Variants in SORCS1 observed in about 807,000 individuals in gnomAD.
SORCS1 encodes the protein VPS10 domain-containing receptor SorCS1.
Under a neutral mutation model 146.1 loss-of-function variants are expected in SORCS1, and 60 were observed. The observed-to-expected ratio is 0.41, with a 90% confidence interval of 0.33 to 0.51. The LOEUF (loss-of-function observed/expected upper bound fraction) is 0.51, where lower values mean the gene tolerates loss of function less well. SORCS1 is among the 20% of genes least tolerant of loss of function. SORCS1 has a pLI of 0.21. For synonymous variants in SORCS1, 637 were observed against 584.0 expected (o/e 1.09, Z -1.31); for missense variants, 1,352 against 1,487.6 (o/e 0.91, Z 1.50).
chr10:106,896,889 G>GTTTTT (rs869027396), intron 2 of SORCS1, among the ~76,000 whole-genome samples: 9 of 119,876 alleles, frequency 7.5e-5, no homozygotes, highest in South Asian at 2.8e-4. Context: ...ACCAAATACT[G>GTTTTT]TTTTTTTTTT....
At chr10:106,748,697 G>C (rs1345033594) in intron 5 of SORCS1, among the ~76,000 whole-genome samples, 2 of 152,086 alleles carry the variant, frequency 1.3e-5, no homozygotes, top group Non-Finnish European at 2.9e-5. Flanking sequence ...GCCACCAACT[G>C]TTCTAGGCAC....
rs140447339 is a variant in SORCS1, at chr10:106,784,170, C to T, written c.727-7478G>A. On this transcript the variant is annotated intron_variant, in intron 3 of 25. Coordinates refer to ENST00000263054, the MANE Select transcript of SORCS1 (RefSeq NM_052918.5). ...CAGCACTTTGGGAGGCCGAGGCAGG[C>T]GGATCATGAGGTCAGGAAATCGAGA... Among the ~76,000 whole-genome samples the T allele has an allele frequency of 5.5e-3, 842 of 152,064 alleles. 8 individuals carry two copies. The highest frequency in any genetic ancestry group is 0.019 in the African/African-American group (808 of 41,492).
chr10:107,122,850 G>A (rs966989694), intron 1 of SORCS1, among the ~76,000 whole-genome samples: 1 of 152,164 alleles, frequency 6.6e-6, no homozygotes, highest in Non-Finnish European at 1.5e-5. Context: ...TTGAAATAAC[G>A]ATAAGCAAAT....
At chr10:106,606,274 T>TATAC (rs1435613411) in intron 23 of SORCS1, among the ~76,000 whole-genome samples, 1 of 139,006 alleles carries the variant, frequency 7.2e-6, no homozygotes, top group Admixed American at 6.8e-5. Flanking sequence ...CACACAGATA[T>TATAC]ACACACACAC....
rs534104174 is a variant in SORCS1 at position 107,000,890 on chromosome 10, A to AT, written c.559-44311dup. ...GTAGGAAAGGAAGATATCAGTGACT[A>AT]TTTTGAGAGAACACTAGAAGATGGA... On this transcript the variant is annotated intron_variant, in intron 1 of 25. Coordinates refer to ENST00000263054, the MANE Select transcript of SORCS1 (RefSeq NM_052918.5). 4.9e-3 allele frequency among the ~76,000 whole-genome samples: 748 copies of AT among 152,310 alleles called. 3 individuals carry two copies. The highest frequency in any genetic ancestry group is 0.016 in the African/African-American group (654 of 41,574).
At chr10:107,054,884 G>T (rs1254158688) in intron 1 of SORCS1, among the ~76,000 whole-genome samples, 1 of 152,108 alleles carries the variant, frequency 6.6e-6, no homozygotes, top group East Asian at 1.9e-4. Flanking sequence ...GGCTTACTAG[G>T]TAAAGATAAA....
chr10:106,692,980 A>C (rs890395798), intron 9 of SORCS1, among the ~76,000 whole-genome samples: 6 of 152,132 alleles, frequency 3.9e-5, no homozygotes, highest in Non-Finnish European at 8.8e-5. Context: ...AAATTTCTAG[A>C]ATACAAAAAA....
chr10:106,828,730 G>A (rs910326266), intron 3 of SORCS1, among the ~76,000 whole-genome samples: 1 of 152,116 alleles, frequency 6.6e-6, no homozygotes, highest in African/African-American at 2.4e-5. Context: ...GAAAATAAAG[G>A]TATAGATGTA....
At chr10:107,025,615 A>G (rs1222523295) in intron 1 of SORCS1, among the ~76,000 whole-genome samples, 1 of 152,244 alleles carries the variant, frequency 6.6e-6, no homozygotes, top group Non-Finnish European at 1.5e-5. Flanking sequence ...ATGACAGGGT[A>G]AAACAAAATG....
At chr10:107,096,251 G>A (rs1964537950) in intron 1 of SORCS1, among the ~76,000 whole-genome samples, 1 of 152,242 alleles carries the variant, frequency 6.6e-6, no homozygotes, top group Admixed American at 6.5e-5. Context: ...TGAGGAATAA[G>A]ACGTTGAAGC....
intron 2 of SORCS1, among the ~76,000 whole-genome samples, chr10:106,882,215 A>G (rs1950829709): frequency 6.6e-6 from 1 of 152,186 alleles, no homozygotes; most frequent in Non-Finnish European, 1.5e-5. Flanking sequence ...ATATTGGACG[A>G]AGAAGAATTG....
intron 2 of SORCS1, 106 bp from the exon 3 acceptor site, chr10:106,829,779 C>T (rs1245892971): frequency 1.4e-6 from 1 of 715,008 alleles, no homozygotes; most frequent in Non-Finnish European, 2.4e-6. Flanking sequence ...GGAGGTTTCT[C>T]AATGATTCAT....
At chr10:106,864,858 G>A (rs1714391997) in intron 2 of SORCS1, among the ~76,000 whole-genome samples, 1 of 152,166 alleles carries the variant, frequency 6.6e-6, no homozygotes, top group Non-Finnish European at 1.5e-5. Context: ...ACTGCTCTAT[G>A]AAAACGTGAC....
chr10:106,776,629 T>C lies in SORCS1; in HGVS notation c.790A>G (p.Thr264Ala). 1 of 1,614,098 alleles carries C rather than the reference T, an allele frequency of 6.2e-7. No individual in the cohort carries two copies. Among genetic ancestry groups the C allele is most frequent in the Non-Finnish European group, 8.5e-7 (1 of 1,179,956 alleles). ...AAGTTCAGCCGGTACTTTTGATAAG[T>C]TGCCCCTTCATCTGAGCTGATCAAT... ...SLLISSDEGATYQKYRLNFYI... is the reference protein window; with the variant it reads ...SLLISSDEGAAYQKYRLNFYI... Residue 264 changes from threonine to alanine, a missense_variant, in exon 4 of 26, where the codon ACT becomes GCT. Thr to Ala is a moderately conservative substitution (Grantham distance 58). This residue lies in a region of SORCS1 where 490 missense variants were observed against 489.1 expected (regional missense o/e 1.00). Coordinates refer to ENST00000263054, the MANE Select transcript of SORCS1 (RefSeq NM_052918.5).
At chr10:106,761,427 T>C (rs1859099937) in intron 5 of SORCS1, among the ~76,000 whole-genome samples, 161 bp downstream of exon 5, 1 of 152,228 alleles carries the variant, frequency 6.6e-6, no homozygotes, top group Admixed American at 6.5e-5. Context: ...AAGTGTTTCT[T>C]ACTCTAATGT....
intron 1 of SORCS1, among the ~76,000 whole-genome samples, chr10:107,088,393 C>A (rs1404685307): frequency 6.6e-6 from 1 of 152,128 alleles, no homozygotes; most frequent in African/African-American, 2.4e-5. Context: ...TTACTCAATG[C>A]ACTGCATCTG....
intron 1 of SORCS1, among the ~76,000 whole-genome samples, chr10:107,043,213 A>G (rs954665236): frequency 3.9e-5 from 6 of 152,210 alleles, no homozygotes; most frequent in Non-Finnish European, 8.8e-5. Flanking sequence ...ATTAAGATCT[A>G]GGCTGGGTAA....
intron 1 of SORCS1, among the ~76,000 whole-genome samples, chr10:107,028,603 G>A (rs1020510413): frequency 1.3e-5 from 2 of 152,198 alleles, no homozygotes; most frequent in African/African-American, 2.4e-5. Context: ...AGAGAGATTA[G>A]CAATATTTGG....
At chr10:107,050,726 A>C (rs999650916) in intron 1 of SORCS1, among the ~76,000 whole-genome samples, 3 of 152,154 alleles carry the variant, frequency 2.0e-5, no homozygotes, top group Non-Finnish European at 4.4e-5. Context: ...AGGAAATGGG[A>C]CTGGGTATTT....
Sources: gnomAD v4.1 joint callset for allele counts (sites outside exome capture counted in the v4.1 genomes callset) on GRCh38, gnomAD v4.1.1 for gene constraint, gnomAD v4.1.1 regional missense constraint, MANE v1.5 for transcripts, NCBI Gene and HGNC (gene_info 2026-07-23, HGNC 2026-07-21) for gene names.